RERE: variants seen among roughly 807,000 people sequenced by gnomAD.
The protein encoded by RERE is arginine-glutamic acid dipeptide repeats protein.
Under a neutral mutation model 146.1 loss-of-function variants are expected in RERE, and 40 were observed. That is an observed-to-expected ratio of 0.27 (90% confidence interval 0.21 to 0.36). RERE has a LOEUF of 0.36. Ranked by LOEUF, RERE falls within the 10% of genes least tolerant of loss-of-function variation. The pLI, the probability that RERE is intolerant of heterozygous loss-of-function variation, is 1.00. For synonymous variants in RERE, 1,003 were observed against 866.0 expected (o/e 1.16, Z -2.78); for missense variants, 1,933 against 2,138.7 (o/e 0.90, Z 1.90).
intron 1 of RERE, among the ~76,000 whole-genome samples, chr1:8,787,331 T>C (rs1641276209): frequency 6.6e-6 from 1 of 152,158 alleles, no homozygotes; most frequent in African/African-American, 2.4e-5. Flanking sequence ...CTACTTAAAA[T>C]GGTACCATCC....
intron 1 of RERE, among the ~76,000 whole-genome samples, chr1:8,757,919 C>CACACACACACACATAT (rs57264533): frequency 4.0e-5 from 6 of 150,638 alleles, no homozygotes; most frequent in Non-Finnish European, 8.9e-5. Context: ...CATACACACA[C>CACACACACACACATAT]ACACACACAC....
intron 12 of RERE, among the ~76,000 whole-genome samples, chr1:8,403,044 G>A (rs1476075154): frequency 2.6e-5 from 4 of 152,014 alleles, no homozygotes; most frequent in African/African-American, 4.8e-5. Flanking sequence ...GACTACAGGC[G>A]CGCACCACCA....
At chr1:8,776,116 TG>T (rs1414756290) in intron 1 of RERE, among the ~76,000 whole-genome samples, 1 of 152,260 alleles carries the variant, frequency 6.6e-6, no homozygotes, top group Non-Finnish European at 1.5e-5. Context: ...CCATACCAAT[TG>T]TAATAATCTC....
intron 4 of RERE, among the ~76,000 whole-genome samples, chr1:8,561,919 T>C (rs1183422958): frequency 2.0e-5 from 3 of 152,244 alleles, no homozygotes; most frequent in Admixed American, 6.5e-5. Context: ...GATCATGCGA[T>C]TCAAGCAAAA....
At chr1:8,425,494 G>A (rs539480227) in intron 11 of RERE, 1 of 152,478 alleles carries the variant, frequency 6.6e-6, no homozygotes, top group East Asian at 1.9e-4. Context: ...GATCACAAGG[G>A]GTGGGCAACT....
intron 1 of RERE, among the ~76,000 whole-genome samples, chr1:8,748,953 G>A (rs1557519400): frequency 6.6e-6 from 1 of 152,142 alleles, no homozygotes; most frequent in Non-Finnish European, 1.5e-5. Flanking sequence ...TCATAGGCAT[G>A]GGGGACAGTG....
At chr1:8,501,159 G>T (rs183950302) in intron 8 of RERE, among the ~76,000 whole-genome samples, 10,756 of 82,214 alleles carry the variant, frequency 0.13, no homozygotes, top group Middle Eastern at 0.23. Flanking sequence ...CGTCCGGGAG[G>T]GGGGGTCAGC....
At position 8,369,508 on chromosome 1, in the gene RERE, T is replaced by TAA. The variant is rs1186718390; in HGVS notation, c.1285-3536_1285-3535dup. Among the ~76,000 whole-genome samples, 345 of 76,836 alleles carry TAA rather than the reference T, an allele frequency of 4.5e-3. 6 individuals carry two copies. The highest frequency in any genetic ancestry group is 0.013 in the Middle Eastern group (1 of 78). The allele number at this position is 76,836 out of a possible 152,430, so 50.4% of individuals were successfully genotyped here. ...ATCGAATAAATCTTTCGCCTTTTAC[T>TAA]AAAAAAAAAAAAAAAAAAAAAAAAA... On this transcript the variant is annotated intron_variant, in intron 12 of 22. Coordinates refer to ENST00000400908, the MANE Select transcript of RERE (RefSeq NM_001042681.2).
At chr1:8,403,822 T>TAA (rs1643348993) in intron 12 of RERE, among the ~76,000 whole-genome samples, 1 of 136,266 alleles carries the variant, frequency 7.3e-6, no homozygotes, top group African/African-American at 2.8e-5. Context: ...AATAAAATCT[T>TAA]AGCTTTTTTT....
intron 7 of RERE, among the ~76,000 whole-genome samples, chr1:8,534,232 G>A (rs1645694148): frequency 6.6e-6 from 1 of 152,116 alleles, no homozygotes; most frequent in Non-Finnish European, 1.5e-5. Context: ...AAAGATTTAT[G>A]TTGAGGAAAA....
intron 4 of RERE, among the ~76,000 whole-genome samples, chr1:8,584,327 AG>A (rs1406701149): frequency 6.6e-6 from 1 of 152,164 alleles, no homozygotes; most frequent in Non-Finnish European, 1.5e-5. Flanking sequence ...AGGCTCAGGC[AG>A]GAGGACAGGA....
intron 1 of RERE, among the ~76,000 whole-genome samples, chr1:8,779,663 A>G (rs770827774): frequency 2.0e-5 from 3 of 150,788 alleles, no homozygotes; most frequent in Non-Finnish European, 3.0e-5. Context: ...ACTGTCTCCA[A>G]AAAAAAAAGA....
chr1:8,611,027 T>A (rs1459522857), intron 4 of RERE, among the ~76,000 whole-genome samples: 1 of 151,850 alleles, frequency 6.6e-6, no homozygotes, highest in Non-Finnish European at 1.5e-5. Context: ...ACCCCATCTC[T>A]ACTAAAAATA....
Position 8,647,641 on chromosome 1 carries a change from ATGTGTGTGTGTGTGTG to A in RERE, c.325+8316_325+8331del, listed in dbSNP as rs1553127411. Among the ~76,000 whole-genome samples the A allele has an allele frequency of 1.8e-3, 261 of 148,640 alleles. 1 individual carries two copies. The highest frequency in any genetic ancestry group is 5.2e-3 in the Admixed American group (77 of 14,888). ...AAATGAGCTTCTATTTAAAATATGTATGTGTGTGTGTGTGTGTGTGTGTGTGTGTGTGTGTGTCCCC... is the reference window on the plus strand; with the variant it reads ...AAATGAGCTTCTATTTAAAATATGTATGTGTGTGTGTGTGTGTGTGTCCCC... On this transcript the variant is annotated intron_variant, in intron 2 of 22. Coordinates refer to ENST00000400908, the MANE Select transcript of RERE (RefSeq NM_001042681.2).
chr1:8,609,978 A>G (rs1350429230), intron 4 of RERE, among the ~76,000 whole-genome samples: 1 of 152,088 alleles, frequency 6.6e-6, no homozygotes, highest in Non-Finnish European at 1.5e-5. Flanking sequence ...CATGTTGTCC[A>G]GGCCAGTCTT....
At chr1:8,541,361 C>T (rs761205858) in intron 6 of RERE, 43 bp from the exon 7 acceptor site, 10 of 1,259,936 alleles carry the variant, frequency 7.9e-6, no homozygotes, top group African/African-American at 3.0e-5. Flanking sequence ...CCCTCAACTG[C>T]TTTTGCTAAC....
chr1:8,364,209 G>A lies in RERE; in HGVS notation c.1587C>T (p.Cys529=). The change falls in exon 15 of 23, where the codon TGC becomes TGT. Residue 529 remains cysteine (C), a synonymous_variant. Transcript: ENST00000400908. The surrounding 1 kb of genome is among the most constrained non-coding windows in gnomAD (Gnocchi z 5.1). The part of the protein sequence containing the change: ...HHGGRENILL[C]TDCRIHFKKY... ...TCTTGAAGTGGATGCGACAGTCGGTGCAAAGCAGGATGTTCTCCCGGCCTC... is the reference window on the plus strand; with the variant it reads ...TCTTGAAGTGGATGCGACAGTCGGTACAAAGCAGGATGTTCTCCCGGCCTC... The A allele has an allele frequency of 6.2e-7, 1 of 1,614,184 alleles. No homozygotes were observed. The highest frequency in any genetic ancestry group is 8.5e-7 in the Non-Finnish European group (1 of 1,180,030).
intron 1 of RERE, among the ~76,000 whole-genome samples, chr1:8,814,357 G>A (rs1182758938): frequency 1.3e-5 from 2 of 152,210 alleles, no homozygotes; most frequent in East Asian, 3.8e-4. Context: ...TTATTAAGCA[G>A]ATTATCTCTG....
chr1:8,498,900 A>T (rs749180886), intron 8 of RERE, among the ~76,000 whole-genome samples: 8 of 152,126 alleles, frequency 5.3e-5, no homozygotes, highest in Non-Finnish European at 1.2e-4. Context: ...GATACGAATC[A>T]TCACGGCAGA....
Sources: gnomAD v4.1 joint callset for allele counts (sites outside exome capture counted in the v4.1 genomes callset) on GRCh38, gnomAD v4.1.1 for gene constraint, Gnocchi (gnomAD v3.1) non-coding constraint, MANE v1.5 for transcripts, NCBI Gene and HGNC (gene_info 2026-07-23, HGNC 2026-07-21) for gene names.